CPSF7: variants seen among roughly 807,000 people sequenced by gnomAD.
The protein encoded by CPSF7 is cleavage and polyadenylation specificity factor subunit 7.
Under a neutral mutation model 44.3 loss-of-function variants are expected in CPSF7, and 1 was observed. The ratio of observed to expected loss-of-function variants is 0.02; its 90% CI spans 0.01 to 0.11. CPSF7 has a LOEUF of 0.11. Among genes scored for constraint, CPSF7 ranks in the 10% least tolerant of loss-of-function variants. The pLI is 1.00. For synonymous variants in CPSF7, 202 were observed against 222.0 expected (o/e 0.91, Z 0.80); for missense variants, 443 against 607.2 (o/e 0.73, Z 2.84).
At chr11:61,427,655 GAAAAA>G (rs576742257) in intron 2 of CPSF7, among the ~76,000 whole-genome samples, 3 of 41,724 alleles carry the variant, frequency 7.2e-5, no homozygotes, top group African/African-American at 2.7e-4. Context: ...TCTGTCTCAA[GAAAAA>G]AAAAAAAAAA....
chr11:61,425,768 G>T (rs1861286711), intron 2 of CPSF7, among the ~76,000 whole-genome samples: 1 of 152,080 alleles, frequency 6.6e-6, no homozygotes, highest in African/African-American at 2.4e-5. Context: ...CACCCTCCTT[G>T]TCCTTCACTG....
chr11:61,423,162 G>A lies in CPSF7; in HGVS notation c.55-1554C>T, dbSNP rs1339330786. Among the ~76,000 whole-genome samples the A allele has an allele frequency of 3.4e-5, 4 of 118,276 alleles. No homozygotes were observed. The East Asian group carries it at 8.0e-4, about 24-fold the overall frequency. The allele number at this position is 118,276 out of a possible 152,430, so 77.6% of individuals were successfully genotyped here. On this transcript the variant is annotated intron_variant, in intron 2 of 9. Coordinates refer to ENST00000439958, the MANE Select transcript of CPSF7 (RefSeq NM_001142565.3). ...AGGATTCTACAATGTAATTACCTCA[G>A]AGAAATCTTTTTTTTTTTTTTTTTT...
At chr11:61,420,688 C>T (rs1860780727) in intron 3 of CPSF7, 115 bp from the exon 4 acceptor site, 1 of 761,690 alleles carries the variant, frequency 1.3e-6, no homozygotes. Flanking sequence ...AACTCAAAAG[C>T]CTGGCAATAT....
intron 2 of CPSF7, 190 bp downstream of exon 2, chr11:61,428,992 G>A: frequency 2.3e-6 from 1 of 434,168 alleles, no homozygotes; most frequent in Non-Finnish European, 4.2e-6. Flanking sequence ...TTAAAATTAA[G>A]CCTGGAGCTT....
intron 3 of CPSF7, 186 bp from the exon 4 acceptor site, chr11:61,420,759 C>T: frequency 1.7e-6 from 1 of 605,166 alleles, no homozygotes; most frequent in Non-Finnish European, 2.9e-6. Flanking sequence ...ACCCACTCAC[C>T]CCCAATCTCC....
rs144434284 is a variant in CPSF7, at chr11:61,411,587, A to G, written c.1226+182T>C. 5.3e-5 allele frequency among the ~76,000 whole-genome samples: 8 copies of G among 152,304 alleles called. No individual in the cohort carries two copies. The East Asian group carries it at 1.5e-3, about 29-fold the overall frequency. On this transcript the variant is annotated intron_variant, in intron 8 of 9. Transcript: ENST00000439958. ...CACTGCCTCACCCACCAGATTCCAG[A>G]TGTTACAACACTTATTAATGAAAGC...
At position 61,429,310 on chromosome 11, in the gene CPSF7, G is replaced by T; in HGVS notation, c.-55-20C>A. 2 of 1,471,442 alleles carry T rather than the reference G, an allele frequency of 1.4e-6. No homozygotes were observed. Among genetic ancestry groups the T allele is most frequent in the Non-Finnish European group, 1.9e-6 (2 of 1,050,626 alleles). The allele number at this position is 1,471,442 out of a possible 1,614,324, so 91.1% of individuals were successfully genotyped here. A position where few individuals can be genotyped will look rare whatever the true frequency, so the allele number is the denominator to read the frequency against. ...ATGCCACTGCGGGATTCGGAAAAAT[G>T]CAAGAATTAGAAGGCACGAGGGTCC... On this transcript the variant is annotated intron_variant, in intron 1 of 9. Transcript: ENST00000439958.
intron 5 of CPSF7, among the ~76,000 whole-genome samples, chr11:61,419,257 C>T (rs1416297358): frequency 1.3e-5 from 2 of 152,140 alleles, no homozygotes; most frequent in South Asian, 2.1e-4. Context: ...CTCTTGACCT[C>T]GTGATCCACC....
chr11:61,429,321 A>G, intron 1 of CPSF7, 31 bp from the exon 2 acceptor site: 1 of 1,326,098 alleles, frequency 7.5e-7, no homozygotes, highest in South Asian at 1.2e-5. Context: ...CAAGAATTAG[A>G]AGGCACGAGG....
intron 5 of CPSF7, 53 bp downstream of exon 5, chr11:61,419,896 C>T (rs144980293): frequency 1.9e-5 from 31 of 1,600,646 alleles, no homozygotes; most frequent in Admixed American, 1.2e-4. Flanking sequence ...AAACACCCCC[C>T]CCTCATACAG....
chr11:61,420,371 CA>C, intron 4 of CPSF7, 98 bp downstream of exon 4: 3 of 1,083,216 alleles, frequency 2.8e-6, no homozygotes, highest in Non-Finnish European at 1.4e-6. Context: ...TAAGCTGGGC[CA>C]GGGGTGGGAG....
At chr11:61,422,508 G>T (rs1860976483) in intron 2 of CPSF7, among the ~76,000 whole-genome samples, 1 of 151,888 alleles carries the variant, frequency 6.6e-6, no homozygotes, top group Non-Finnish European at 1.5e-5. Context: ...GTAGAGACAG[G>T]GTTTCACCAT....
intron 2 of CPSF7, among the ~76,000 whole-genome samples, chr11:61,423,210 T>C (rs1249728449): frequency 6.9e-6 from 1 of 144,294 alleles, no homozygotes; most frequent in Non-Finnish European, 1.5e-5. Context: ...TCTTGCTCCA[T>C]TGCCCAGGCT....
chr11:61,410,828 C>T, intron 9 of CPSF7, 110 bp downstream of exon 9: 1 of 1,136,782 alleles, frequency 8.8e-7, no homozygotes, highest in Non-Finnish European at 1.2e-6. Context: ...ATCAGAAGTT[C>T]CCCCTACCCT....
intron 7 of CPSF7, among the ~76,000 whole-genome samples, chr11:61,412,341 T>C (rs1194717651): frequency 6.6e-6 from 1 of 151,494 alleles, no homozygotes; most frequent in Non-Finnish European, 1.5e-5. Flanking sequence ...CAGGCTGGAG[T>C]GCAGTGGCCG....
At chr11:61,405,073 T>C (rs1248395996) in intron 9 of CPSF7, among the ~76,000 whole-genome samples, 1 of 152,186 alleles carries the variant, frequency 6.6e-6, no homozygotes, top group Admixed American at 6.5e-5. Flanking sequence ...TAAGGTGAGT[T>C]TAAATATAGG....
chr11:61,429,479 C>T, intron 1 of CPSF7, 189 bp from the exon 2 acceptor site: 2 of 526,574 alleles, frequency 3.8e-6, no homozygotes, highest in Non-Finnish European at 6.5e-6. Context: ...GGGTCGCTGC[C>T]CATCACCCTC....
At chr11:61,409,571 C>G (rs1859663749) in intron 9 of CPSF7, among the ~76,000 whole-genome samples, 1 of 152,172 alleles carries the variant, frequency 6.6e-6, no homozygotes, top group South Asian at 2.1e-4. Flanking sequence ...TTATCCACCA[C>G]AAAGCCTCTA....
At chr11:61,416,541 A>C (rs761370620) in intron 5 of CPSF7, 22 bp from the exon 6 acceptor site, 1 of 1,612,814 alleles carries the variant, frequency 6.2e-7, no homozygotes, top group Admixed American at 1.7e-5. Flanking sequence ...AACAGAACTG[A>C]TGTTACTGCC....
Sources: allele counts gnomAD v4.1 joint callset (sites outside exome capture counted in the v4.1 genomes callset), GRCh38; gene constraint gnomAD v4.1.1; transcripts MANE v1.5; gene names NCBI Gene and HGNC (gene_info 2026-07-23, HGNC 2026-07-21).